Variants in ZNF561 observed in about 807,000 individuals in gnomAD.
ZNF561 encodes zinc finger protein 561.
Under a neutral mutation model 16.7 loss-of-function variants are expected in ZNF561, and 16 were observed. The ratio of observed to expected loss-of-function variants is 0.96; its 90% CI spans 0.65 to 1.45. ZNF561 has a LOEUF of 1.45. Ranked by LOEUF, ZNF561 falls within the 40% of genes most tolerant of loss-of-function variation. The probability of loss-of-function intolerance (pLI) is 0.00; values close to 1 mark genes in which losing one functional copy is unlikely to be tolerated. For synonymous variants in ZNF561, 190 were observed against 192.1 expected (o/e 0.99, Z 0.09); for missense variants, 580 against 578.0 (o/e 1.00, Z -0.04).
Position 9,618,122 on chromosome 19 carries a change from A to G in ZNF561, c.83T>C (p.Met28Thr), listed in dbSNP as rs1303470838. ...ACCACTTGCCAGGTAGTCCTCCACC[A>G]TCCTTTCTACCTTTGTCTTTTCTTC... ...PFEEKTKVER[M>T]VEDYLASGYQ... is the part of the protein sequence containing the mutation. Residue 28 changes from methionine to threonine, a missense_variant, in exon 3 of 6, where the codon ATG becomes ACG. Transcript: ENST00000302851. 1 of 1,551,306 alleles carries G rather than the reference A, an allele frequency of 6.4e-7. No homozygotes were observed. Among genetic ancestry groups the G allele is most frequent in the Non-Finnish European group, 8.7e-7 (1 of 1,146,716 alleles).
At position 9,607,363 on chromosome 19, in the gene ZNF561, C is replaced by T. The variant is rs966647982; in HGVS notation, c.*2837G>A. 3.3e-5 allele frequency: 5 copies of T among 152,240 alleles called. No homozygotes were observed. The highest frequency in any genetic ancestry group is 7.4e-5 in the Non-Finnish European group (5 of 68,002). The allele number at this position is 152,240 out of a possible 1,614,324, so 9.4% of individuals were successfully genotyped here. Reference sequence around the variant, plus strand: ...AGTATTTATTACATACCATCATTGGCCAGGAACAGTTCTAGGTACTTGAGT... The same window carrying T: ...AGTATTTATTACATACCATCATTGGTCAGGAACAGTTCTAGGTACTTGAGT... On this transcript the variant is annotated 3_prime_UTR_variant, in exon 6 of 6. Coordinates refer to ENST00000302851, the MANE Select transcript of ZNF561 (RefSeq NM_152289.3).
At position 9,611,156 on chromosome 19, in the gene ZNF561, A is replaced by G. The variant is rs1446544974; in HGVS notation, c.505T>C (p.Ser169Pro). 6.2e-7 allele frequency: 1 copy of G among 1,614,032 alleles called. No individual in the cohort carries two copies. The highest frequency in any genetic ancestry group is 1.7e-5 in the Admixed American group (1 of 60,018). Residue 169 changes from serine to proline, a missense_variant, in exon 6 of 6, where the codon TCC becomes CCC. Coordinates refer to ENST00000302851, the MANE Select transcript of ZNF561 (RefSeq NM_152289.3). The stretch of plus-strand genomic sequence containing the variant: ...ACTTTTCCACATGGATTAAATTTGG[A>G]AAGTTCCTGTCCAGTAGAGGCTTCC... ...HKEASTGQEL[S>P]KFNPCGKVFT... is the part of the protein sequence containing the mutation.
At chr19:9,613,406 G>C (rs2074496741) in intron 5 of ZNF561, among the ~76,000 whole-genome samples, 1 of 151,936 alleles carries the variant, frequency 6.6e-6, no homozygotes, top group Non-Finnish European at 1.5e-5. Flanking sequence ...GGCTAACTTT[G>C]TATTTTTAGT....
chr19:9,618,005 C>G, intron 3 of ZNF561, 86 bp downstream of exon 3: 6 of 1,296,126 alleles, frequency 4.6e-6, no homozygotes, highest in Middle Eastern at 1.9e-4. Flanking sequence ...TAAGAAAACT[C>G]TGAAGATGAG....
intron 3 of ZNF561, 74 bp downstream of exon 3, chr19:9,618,017 C>A: frequency 7.3e-7 from 1 of 1,367,710 alleles, no homozygotes; most frequent in South Asian, 1.3e-5. Context: ...GAAGATGAGT[C>A]TGTCTAGAAA....
chr19:9,618,082 T>C lies in ZNF561; in HGVS notation c.114+9A>G, dbSNP rs529698191. ...TATCATTTTTAACAACAGTACGTTTTCTGCTTACCTGATAACCACTTGCCA... is the reference window on the plus strand; with the variant it reads ...TATCATTTTTAACAACAGTACGTTTCCTGCTTACCTGATAACCACTTGCCA... On this transcript the variant is annotated intron_variant, in intron 3 of 5. Transcript: ENST00000302851. The C allele has an allele frequency of 1.7e-5, 27 of 1,550,134 alleles. No homozygotes were observed. In the East Asian group the frequency reaches 5.1e-4, roughly 30 times the overall value.
intron 4 of ZNF561, among the ~76,000 whole-genome samples, chr19:9,616,683 C>G (rs1478048162): frequency 1.3e-5 from 2 of 151,922 alleles, no homozygotes; most frequent in Non-Finnish European, 2.9e-5. Flanking sequence ...GATCCGCCTC[C>G]CGGGTTCATG....
intron 4 of ZNF561, among the ~76,000 whole-genome samples, chr19:9,615,326 G>T (rs1162785003): frequency 6.6e-6 from 1 of 151,992 alleles, no homozygotes; most frequent in East Asian, 1.9e-4. Flanking sequence ...GCTGGGTGTG[G>T]TGGCTCATGC....
chr19:9,613,799 G>A (rs2074504422), intron 5 of ZNF561, among the ~76,000 whole-genome samples: 1 of 152,162 alleles, frequency 6.6e-6, no homozygotes. Flanking sequence ...TTACAGGTGT[G>A]AGTCACCACA....
At position 9,610,868 on chromosome 19, in the gene ZNF561, A is replaced by C; in HGVS notation, c.793T>G (p.Phe265Val). Residue 265 changes from phenylalanine (F) to valine (V), a missense_variant, in exon 6 of 6, where the codon TTT becomes GTT. Transcript: ENST00000302851. The part of the protein sequence containing the change: ...TKKCGKSFTN[F>V]SQLYAPVKTH... ...TTCACAGGTGCATAAAGTTGAGAAAAATTAGTGAAGGATTTCCCACATTTC... is the reference window on the plus strand; with the variant it reads ...TTCACAGGTGCATAAAGTTGAGAAACATTAGTGAAGGATTTCCCACATTTC... 1 of 1,614,158 alleles carries C rather than the reference A, an allele frequency of 6.2e-7. No individual in the cohort carries two copies.
rs1489782543 is a variant in ZNF561 at position 9,608,307 on chromosome 19, GGAGA to G, written c.*1889_*1892del. On this transcript the variant is annotated 3_prime_UTR_variant, in exon 6 of 6. Transcript: ENST00000302851. ...GAGAGGAGAGAGGAGAAAGGAGAGA[GGAGA>G]GAGAGACCTATTTGTTGGTTTCCTT... is the stretch of plus-strand genomic sequence containing the variant. The G allele has an allele frequency of 2.0e-5, 3 of 151,996 alleles. No homozygotes were observed. The highest frequency in any genetic ancestry group is 3.9e-4 in the East Asian group (2 of 5,176). 9.4% of individuals were successfully genotyped at this position (151,996 alleles called of 1,614,324 possible).
At chr19:9,611,534 C>G (rs2074458559) in intron 5 of ZNF561, among the ~76,000 whole-genome samples, 198 bp from the exon 6 acceptor site, 2 of 152,104 alleles carry the variant, frequency 1.3e-5, no homozygotes, top group Admixed American at 1.3e-4. Context: ...GCAACCTCCA[C>G]CTCCCAGGCT....
intron 1 of ZNF561, 50 bp downstream of exon 1, chr19:9,621,111 TC>T (rs2074667289): frequency 6.5e-6 from 1 of 152,782 alleles, no homozygotes; most frequent in South Asian, 1.9e-4. Flanking sequence ...GCGCAATCAT[TC>T]CTTTGCCGCC....
rs1312838336 is a variant in ZNF561, at chr19:9,617,029, G to C, written c.241+16C>G. 2 of 1,601,142 alleles carry C rather than the reference G, an allele frequency of 1.2e-6. No individual in the cohort carries two copies. The highest frequency in any genetic ancestry group is 8.5e-7 in the Non-Finnish European group (1 of 1,172,088). On this transcript the variant is annotated intron_variant, in intron 4 of 5. Coordinates refer to ENST00000302851, the MANE Select transcript of ZNF561 (RefSeq NM_152289.3). ...GGTGCAGGCCACCATGCCAAGCATA[G>C]TGATGTTACTCTTACCCACAGAGGC...
In ZNF561 at chr19:9,610,954, G is replaced by A; in HGVS notation, c.707C>T (p.Ala236Val). Residue 236 changes from alanine to valine, a missense_variant, in exon 6 of 6, where the codon GCT (alanine) becomes GTT (valine). Transcript: ENST00000302851. Reference protein sequence around the residue: ...EFQEYGRAVTASSHLKQCVAV... With the variant: ...EFQEYGRAVTVSSHLKQCVAV... ...TACACACTGCTTTAGGTGTGAAGAA[G>A]CTGTGACAGCTCTCCCATATTCCTG... The A allele has an allele frequency of 1.9e-6, 3 of 1,614,180 alleles. No homozygotes were observed. The highest frequency in any genetic ancestry group is 1.7e-6 in the Non-Finnish European group (2 of 1,180,032).
intron 3 of ZNF561, 161 bp downstream of exon 3, chr19:9,617,930 G>A (rs889050764): frequency 7.4e-6 from 5 of 672,828 alleles, no homozygotes; most frequent in African/African-American, 7.2e-5. Context: ...TTTATGTATA[G>A]GAGACTTCAT....
At chr19:9,615,750 A>AC (rs2074543056) in intron 4 of ZNF561, among the ~76,000 whole-genome samples, 1 of 134,790 alleles carries the variant, frequency 7.4e-6, no homozygotes, top group African/African-American at 3.0e-5. Flanking sequence ...TACTAAAAAT[A>AC]CAAAAAAAAA....
At position 9,610,890 on chromosome 19, in the gene ZNF561, T is replaced by G. The variant is rs1289781657; in HGVS notation, c.771A>C (p.Lys257Asn). Residue 257 changes from lysine to asparagine, a missense_variant, in exon 6 of 6, where the codon AAA becomes AAC. Physicochemically the swap from Lys to Asn is moderately conservative, Grantham distance 94. Coordinates refer to ENST00000302851, the MANE Select transcript of ZNF561 (RefSeq NM_152289.3). The stretch of plus-strand genomic sequence containing the variant: ...AAAAATTAGTGAAGGATTTCCCACA[T>G]TTCTTAGTCTTTTTGGATTTCTTTC... The part of the protein sequence containing the change: ...HTGKKSKKTK[K>N]CGKSFTNFSQ... 4.3e-6 allele frequency: 7 copies of G among 1,614,058 alleles called. No homozygotes were observed. Among genetic ancestry groups the G allele is most frequent in the East Asian group, 2.2e-5 (1 of 44,886 alleles).
chr19:9,614,177 G>C, intron 4 of ZNF561, 74 bp from the exon 5 acceptor site: 1 of 1,552,050 alleles, frequency 6.4e-7, no homozygotes, highest in Non-Finnish European at 8.8e-7. Context: ...ATTTTTACTT[G>C]TTTTCAAATT....
Sources: allele counts gnomAD v4.1 joint callset (sites outside exome capture counted in the v4.1 genomes callset), GRCh38; gene constraint gnomAD v4.1.1; transcripts MANE v1.5; gene names NCBI Gene and HGNC (gene_info 2026-07-23, HGNC 2026-07-21).